NTMT1: variants seen among roughly 807,000 people sequenced by gnomAD.
The protein encoded by NTMT1 is N-terminal RCC1 methyltransferase.
NTMT1 carries 8 observed loss-of-function variants against 17.5 expected under a neutral mutation model. The observed-to-expected ratio is 0.46, with a 90% CI of 0.27 to 0.82. NTMT1 has a LOEUF of 0.82. NTMT1 is among the 40% of genes least tolerant of loss of function. The pLI, the probability that NTMT1 is intolerant of heterozygous loss-of-function variation, is 0.15. For missense variants in NTMT1, 221 were observed against 303.5 expected, an observed-to-expected ratio of 0.73 and a Z score of 2.02; for synonymous variants, 128 against 126.8, an observed-to-expected ratio of 1.01 and a Z score of -0.06.
At chr9:129,612,252 C>T (rs1424167335) in intron 1 of NTMT1, 4 of 1,086,236 alleles carry the variant, frequency 3.7e-6, no homozygotes. Flanking sequence ...CTGGCAGGTC[C>T]CAGCCACCTG....
chr9:129,614,877 G>C lies in NTMT1; in HGVS notation c.-55+5699G>C, dbSNP rs1176874872. 6.6e-6 allele frequency among the ~76,000 whole-genome samples: 1 copy of C among 152,106 alleles called. No individual in the cohort carries two copies. The highest frequency in any genetic ancestry group is 1.5e-5 in the Non-Finnish European group (1 of 68,026). ...AGATCGCGCCACTGCACTCCAGCCT[G>C]GGCGACAGAGTGAGACTCCGTATCA... On this transcript the variant is annotated intron_variant, in intron 1 of 3. Transcript: ENST00000372486. The surrounding 1 kb of genome is among the most constrained non-coding windows in gnomAD (Gnocchi z 4.4).
chr9:129,634,013 G>T, intron 2 of NTMT1, 41 bp from the exon 3 acceptor site: 2 of 1,590,866 alleles, frequency 1.3e-6, no homozygotes, highest in Non-Finnish European at 8.6e-7. Context: ...CACGTGCGGT[G>T]ACAGGGTCCC....
chr9:129,613,696 CCT>C lies in NTMT1; in HGVS notation c.-55+4519_-55+4520del. ...TCTGGCAGGCAGGGCCGGTCAGAGC[CCT>C]GTCTCCATGGCAACCCCAGGCTCCC... On this transcript the variant is annotated intron_variant, in intron 1 of 3. Coordinates refer to the NTMT1 transcript ENST00000372486. This position sits in a 1 kb window ranked among gnomAD's most constrained non-coding sequence, Gnocchi z 6.2. 3 of 1,485,808 alleles carry C rather than the reference CCT, an allele frequency of 2.0e-6. No homozygotes were observed. The highest frequency in any genetic ancestry group is 2.7e-6 in the Non-Finnish European group (3 of 1,094,812). 92.0% of individuals were successfully genotyped at this position (1,485,808 alleles called of 1,614,324 possible). A position where few individuals can be genotyped will look rare whatever the true frequency, so the allele number is the denominator to read the frequency against.
Position 129,620,050 on chromosome 9 carries a change from G to A in NTMT1, c.-55+10872G>A, listed in dbSNP as rs1413138947. 3 of 1,453,434 alleles carry A rather than the reference G, an allele frequency of 2.1e-6. No individual in the cohort carries two copies. The highest frequency in any genetic ancestry group is 1.9e-4 in the Middle Eastern group (1 of 5,150). The allele number at this position is 1,453,434 out of a possible 1,614,324, so 90.0% of individuals were successfully genotyped here. On this transcript the variant is annotated intron_variant, in intron 1 of 3. Coordinates refer to the NTMT1 transcript ENST00000372486. The surrounding 1 kb of genome is among the most constrained non-coding windows in gnomAD (Gnocchi z 5.8). ...GAAATGACTCGGGCCCGCCCCCCGG[G>A]CCCCGCGGGGCCTCACTCAGTGGCT...
intron 1 of NTMT1, chr9:129,628,421 C>T (rs945348529): frequency 6.6e-6 from 1 of 152,138 alleles, no homozygotes; most frequent in Admixed American, 6.5e-5. Context: ...TTCAGGGGAC[C>T]CTGACATTTA....
chr9:129,609,767 TG>T (rs1263908621), intron 1 of NTMT1, among the ~76,000 whole-genome samples: 32 of 152,130 alleles, frequency 2.1e-4, no homozygotes, highest in Admixed American at 2.0e-3. Flanking sequence ...GGGGACATGC[TG>T]GTGGACAGAC....
rs1416384685 is a variant in NTMT1 at position 129,634,302 on chromosome 9, G to A, written c.411G>A (p.Val137=). ...DSYDVIWIQW[V]IGHLTDQHLA... ...ACGACGTGATCTGGATCCAGTGGGT[G>A]ATAGGTGAGGGTTCCACCGCCCTTC... Residue 137 remains valine, a synonymous_variant, in exon 3 of 4, where the codon GTG becomes GTA. Coordinates refer to ENST00000372483, the MANE Select transcript of NTMT1 (RefSeq NM_014064.4). The A allele has an allele frequency of 1.3e-6, 2 of 1,597,284 alleles. No homozygotes were observed. The highest frequency in any genetic ancestry group is 2.2e-5 in the South Asian group (2 of 88,992).
rs771606162 is a variant in NTMT1, at chr9:129,615,559, A to C, written c.-55+6381A>C. ...TCAGCGAATCGCACCCGGAAAGGGC[A>C]ACGCTGCCTGCAGGGCCTAGAGCCT... On this transcript the variant is annotated intron_variant, in intron 1 of 3. Transcript: ENST00000372486. The C allele has an allele frequency of 7.5e-6, 12 of 1,610,336 alleles. No homozygotes were observed. The South Asian group carries it at 1.3e-4, about 18-fold the overall frequency.
At chr9:129,615,527 G>C (rs369203583) in intron 1 of NTMT1, 1 of 1,610,820 alleles carries the variant, frequency 6.2e-7, no homozygotes, top group East Asian at 2.2e-5. Flanking sequence ...TGTCCTGCAG[G>C]GTCTCGTCAG....
upstream of NTMT1, among the ~76,000 whole-genome samples, chr9:129,622,806 T>C (rs978340310): frequency 6.6e-6 from 1 of 151,996 alleles, no homozygotes; most frequent in Admixed American, 6.6e-5. Context: ...GGCAGGTGGA[T>C]TGCCTGAGCT....
At chr9:129,634,941 G>A (rs999496701) in intron 3 of NTMT1, 4 of 482,112 alleles carry the variant, frequency 8.3e-6, no homozygotes, top group African/African-American at 5.8e-5. Flanking sequence ...ATCATGGTGT[G>A]TAGGTATCAG....
In NTMT1 at chr9:129,635,468, G is replaced by A. The variant is rs369469508; in HGVS notation, c.*4G>A. 87 of 1,601,776 alleles carry A rather than the reference G, an allele frequency of 5.4e-5. No individual in the cohort carries two copies. The highest frequency in any genetic ancestry group is 1.7e-4 in the Middle Eastern group (1 of 6,050). ...CTATAGCTTTGCCCTGAGATGAGCC[G>A]GGGCTGGCAGGAGAAACTGAGGAAC... On this transcript the variant is annotated 3_prime_UTR_variant, in exon 4 of 4. Transcript: ENST00000372483.
rs1237019773 is a variant in NTMT1, at chr9:129,620,429, G to T, written c.-55+11251G>T. The T allele has an allele frequency of 7.9e-7, 1 of 1,264,704 alleles. No individual in the cohort carries two copies. Among genetic ancestry groups the T allele is most frequent in the Non-Finnish European group, 1.0e-6 (1 of 1,004,980 alleles). 78.3% of individuals were successfully genotyped at this position (1,264,704 alleles called of 1,614,324 possible). A position where few individuals can be genotyped will look rare whatever the true frequency, so the allele number is the denominator to read the frequency against. On this transcript the variant is annotated intron_variant, in intron 1 of 3. Transcript: ENST00000372486. This position sits in a 1 kb window ranked among gnomAD's most constrained non-coding sequence, Gnocchi z 5.8. ...GCCCCCCGGGATCCTCCAGTCCCCG[G>T]AGCCCCGCGCGCCCAGAGCCGCTCG...
chr9:129,620,520 G>T lies in NTMT1; in HGVS notation c.-55+11342G>T. 1 of 1,445,124 alleles carries T rather than the reference G, an allele frequency of 6.9e-7. No homozygotes were observed. The highest frequency in any genetic ancestry group is 9.1e-7 in the Non-Finnish European group (1 of 1,097,016). 89.5% of individuals were successfully genotyped at this position (1,445,124 alleles called of 1,614,324 possible). A position where few individuals can be genotyped will look rare whatever the true frequency, so the allele number is the denominator to read the frequency against. On this transcript the variant is annotated intron_variant, in intron 1 of 3. Coordinates refer to the NTMT1 transcript ENST00000372486. The surrounding 1 kb of genome is among the most constrained non-coding windows in gnomAD (Gnocchi z 5.8). ...CTGCGTCGGAAGTCTCCGTCGCCAGGGAGCCCCTTGGGCGCCAGGTCCTGG... is the reference window on the plus strand; with the variant it reads ...CTGCGTCGGAAGTCTCCGTCGCCAGTGAGCCCCTTGGGCGCCAGGTCCTGG...
At chr9:129,634,379 A>G (rs938086699) in intron 3 of NTMT1, 73 bp downstream of exon 3, 2 of 1,516,328 alleles carry the variant, frequency 1.3e-6, no homozygotes, top group Non-Finnish European at 1.8e-6. Context: ...AGGTGTCAGG[A>G]CCAGGGCTTT....
intron 1 of NTMT1, among the ~76,000 whole-genome samples, chr9:129,616,363 G>A (rs1055820762): frequency 2.0e-5 from 3 of 152,106 alleles, no homozygotes; most frequent in Non-Finnish European, 4.4e-5. Context: ...CTACAGGCGT[G>A]TGCCACCACG....
chr9:129,624,408 T>C (rs1830833383), upstream of NTMT1, among the ~76,000 whole-genome samples: 1 of 151,966 alleles, frequency 6.6e-6, no homozygotes, highest in Non-Finnish European at 1.5e-5. Flanking sequence ...ACACAGAAAA[T>C]GAAGCTTGGG....
At chr9:129,612,412 G>C in intron 1 of NTMT1, 1 of 1,612,832 alleles carries the variant, frequency 6.2e-7, no homozygotes, top group Non-Finnish European at 8.5e-7. Context: ...GGGCAGCCTT[G>C]CTTCAGGACC....
At chr9:129,632,054 G>C (rs542464454) in intron 1 of NTMT1, among the ~76,000 whole-genome samples, 164 of 152,258 alleles carry the variant, frequency 1.1e-3, no homozygotes, top group Non-Finnish European at 5.0e-4. Flanking sequence ...GGCCCTCCAG[G>C]GTCTGCTGGT....
Sources: gnomAD v4.1 joint callset for allele counts (sites outside exome capture counted in the v4.1 genomes callset) on GRCh38, gnomAD v4.1.1 for gene constraint, Gnocchi (gnomAD v3.1) non-coding constraint, MANE v1.5 for transcripts, NCBI Gene and HGNC (gene_info 2026-07-23, HGNC 2026-07-21) for gene names.